THSD7B: variants seen among roughly 807,000 people sequenced by gnomAD.
THSD7B encodes the protein thrombospondin type 1 domain containing 7B.
In THSD7B, 138 loss-of-function variants were observed where a neutral mutation model predicts 213.6. That is an observed-to-expected ratio of 0.65 (90% CI 0.56 to 0.74). The LOEUF (loss-of-function observed/expected upper bound fraction) is 0.74. Ranked by LOEUF, THSD7B falls within the 30% of genes least tolerant of loss-of-function variation. The pLI, the probability that THSD7B is intolerant of heterozygous loss-of-function variation, is 0.00. For synonymous variants in THSD7B, 742 were observed against 687.0 expected, an observed-to-expected ratio of 1.08 and a Z score of -1.25; for missense variants, 1,931 against 1,991.5, an observed-to-expected ratio of 0.97 and a Z score of 0.58.
At chr2:137,275,899 G>A (rs1167893401) in intron 11 of THSD7B, 24 bp from the exon 12 acceptor site, 1 of 1,573,792 alleles carries the variant, frequency 6.4e-7, no homozygotes, top group Non-Finnish European at 8.7e-7. Context: ...AAAGTTTCTA[G>A]TCCATCGTTT....
chr2:137,563,013 T>C (rs1174917324), intron 15 of THSD7B, among the ~76,000 whole-genome samples: 1 of 152,138 alleles, frequency 6.6e-6, no homozygotes, highest in Non-Finnish European at 1.5e-5. Flanking sequence ...CCATCATATT[T>C]TAGTTGATTT....
At chr2:137,415,154 T>C (rs1396728743) in intron 14 of THSD7B, among the ~76,000 whole-genome samples, 1 of 152,138 alleles carries the variant, frequency 6.6e-6, no homozygotes, top group East Asian at 1.9e-4. Flanking sequence ...TTCCCCCTTT[T>C]AAATCTTTAC....
At chr2:136,892,362 G>GC (rs1178486223) in intron 2 of THSD7B, among the ~76,000 whole-genome samples, 1 of 152,184 alleles carries the variant, frequency 6.6e-6, no homozygotes, top group African/African-American at 2.4e-5. Flanking sequence ...GCCACTCCTA[G>GC]CCACAAGGGA....
At chr2:137,233,714 G>A (rs549502394) in intron 9 of THSD7B, among the ~76,000 whole-genome samples, 21 of 152,136 alleles carry the variant, frequency 1.4e-4, no homozygotes, top group Non-Finnish European at 2.2e-4. Flanking sequence ...ATGTCAAAAC[G>A]ATCAAGAACA....
rs2104980494 is a variant in THSD7B at position 137,392,345 on chromosome 2, T to G, written c.2501-13268T>G. Among the ~76,000 whole-genome samples the G allele has an allele frequency of 1.3e-5, 2 of 152,318 alleles. 1 individual carries two copies. The highest frequency in any genetic ancestry group is 6.8e-3 in the Middle Eastern group (2 of 294). On this transcript the variant is annotated intron_variant, in intron 12 of 27. Coordinates refer to ENST00000409968, the MANE Select transcript of THSD7B (RefSeq NM_001316349.2). ...GATCTGTCTAATGCTGTGAGTAGGA[T>G]GTTTAAATCCCCTACTATTATTGTA...
At chr2:136,780,611 G>C (rs1460240196) in intron 1 of THSD7B, among the ~76,000 whole-genome samples, 2 of 152,130 alleles carry the variant, frequency 1.3e-5, no homozygotes, top group African/African-American at 4.8e-5. Context: ...CATTTTCACT[G>C]TATGTACGGA....
At chr2:136,896,570 A>T (rs580160) in intron 2 of THSD7B, among the ~76,000 whole-genome samples, 66,440 of 151,908 alleles carry the variant, frequency 0.44, 15,954 homozygotes, top group Non-Finnish European at 0.55. Flanking sequence ...TTTCCAATTT[A>T]AAAAAATTAA....
intron 12 of THSD7B, among the ~76,000 whole-genome samples, chr2:137,325,437 G>T (rs373950858): frequency 6.6e-6 from 1 of 152,228 alleles, no homozygotes; most frequent in African/African-American, 2.4e-5. Flanking sequence ...GGTGGGCTTC[G>T]CTGGACCTGC....
At chr2:136,871,236 G>A (rs1439745950) in intron 1 of THSD7B, among the ~76,000 whole-genome samples, 1 of 152,146 alleles carries the variant, frequency 6.6e-6, no homozygotes, top group African/African-American at 2.4e-5. Context: ...TGTGAGTTCA[G>A]GGGCGAAGTC....
At chr2:137,111,733 A>G (rs1688348484) in intron 4 of THSD7B, among the ~76,000 whole-genome samples, 1 of 152,204 alleles carries the variant, frequency 6.6e-6, no homozygotes, top group Non-Finnish European at 1.5e-5. Flanking sequence ...CTGTTTAGCC[A>G]GACACTTTGA....
At chr2:137,385,248 T>G (rs1375329455) in intron 12 of THSD7B, among the ~76,000 whole-genome samples, 1 of 152,200 alleles carries the variant, frequency 6.6e-6, no homozygotes, top group Non-Finnish European at 1.5e-5. Context: ...ATTGGCATTT[T>G]TACCTTTCAT....
chr2:137,587,073 C>G lies in THSD7B; in HGVS notation c.3423+14517C>G, dbSNP rs528388344. Among the ~76,000 whole-genome samples the G allele has an allele frequency of 1.3e-4, 20 of 152,304 alleles. No individual in the cohort carries two copies. In the East Asian group the frequency reaches 1.7e-3, roughly 13 times the overall value. ...TTTCTCTAAACTTCTCTTCTCACTT[C>G]ATTTCATTCATTTGATCTTCAATCA... On this transcript the variant is annotated intron_variant, in intron 17 of 27. Coordinates refer to ENST00000409968, the MANE Select transcript of THSD7B (RefSeq NM_001316349.2).
chr2:137,023,606 C>G (rs534180614), intron 2 of THSD7B, among the ~76,000 whole-genome samples: 1 of 152,280 alleles, frequency 6.6e-6, no homozygotes, highest in South Asian at 2.1e-4. Flanking sequence ...ATATCTCTTT[C>G]CTTTGCGTGG....
chr2:137,388,438 T>C (rs1685944119), intron 12 of THSD7B, among the ~76,000 whole-genome samples: 1 of 152,172 alleles, frequency 6.6e-6, no homozygotes, highest in Admixed American at 6.5e-5. Flanking sequence ...TATGATACTT[T>C]GTTTTATACA....
chr2:136,840,314 G>A (rs966814214), intron 1 of THSD7B, among the ~76,000 whole-genome samples: 1 of 152,126 alleles, frequency 6.6e-6, no homozygotes, highest in African/African-American at 2.4e-5. Flanking sequence ...TGGAGGTGGA[G>A]GTTGCAGTGA....
In THSD7B at chr2:136,872,814, CAAAAAA is replaced by C. The variant is rs60759275; in HGVS notation, c.-35-9311_-35-9306del. On this transcript the variant is annotated intron_variant, in intron 1 of 27. Transcript: ENST00000409968. Reference sequence around the variant, plus strand: ...TGAAACTCTGTCTTTACTGAAAATACAAAAAAAAAAAAAAAAAAAAAAAAGCCAGGC... The same window carrying C: ...TGAAACTCTGTCTTTACTGAAAATACAAAAAAAAAAAAAAAAAAGCCAGGC... Among the ~76,000 whole-genome samples, 574 of 65,554 alleles carry C rather than the reference CAAAAAA, an allele frequency of 8.8e-3. 7 individuals carry two copies. The highest frequency in any genetic ancestry group is 0.045 in the Admixed American group (222 of 4,940). The allele number at this position is 65,554 out of a possible 152,430, so 43.0% of individuals were successfully genotyped here. A position where few individuals can be genotyped will look rare whatever the true frequency, so the allele number is the denominator to read the frequency against.
At chr2:137,121,686 T>G (rs776193548) in intron 5 of THSD7B, among the ~76,000 whole-genome samples, 5 of 152,226 alleles carry the variant, frequency 3.3e-5, no homozygotes, top group Non-Finnish European at 7.3e-5. Context: ...CTCATTTGGC[T>G]GTAAAGGCCC....
chr2:137,076,946 G>A (rs1483712363), intron 3 of THSD7B, among the ~76,000 whole-genome samples: 1 of 151,090 alleles, frequency 6.6e-6, no homozygotes, highest in African/African-American at 2.4e-5. Flanking sequence ...TTTAACATTA[G>A]GTATATCTCC....
At chr2:137,164,054 C>T (rs1233737822) in intron 6 of THSD7B, among the ~76,000 whole-genome samples, 1 of 151,998 alleles carries the variant, frequency 6.6e-6, no homozygotes, top group Non-Finnish European at 1.5e-5. Context: ...GCCATTATGC[C>T]TAAGAGCAAA....
Sources: allele counts gnomAD v4.1 joint callset (sites outside exome capture counted in the v4.1 genomes callset), GRCh38; gene constraint gnomAD v4.1.1; transcripts MANE v1.5; gene names NCBI Gene and HGNC (gene_info 2026-07-23, HGNC 2026-07-21).